Variants in BRCA2 observed in about 807,000 individuals in gnomAD.
The protein encoded by BRCA2 is breast cancer type 2 susceptibility protein.
BRCA2 carries 203 observed loss-of-function variants against 276.7 expected under a neutral mutation model. The ratio of observed to expected loss-of-function variants is 0.73; its 90% confidence interval spans 0.65 to 0.82. BRCA2 has a LOEUF of 0.82. Ranked by LOEUF, BRCA2 falls within the 40% of genes least tolerant of loss-of-function variation. The pLI is 0.00. For synonymous variants in BRCA2, 1,289 were observed against 1,338.4 expected, an observed-to-expected ratio of 0.96 and a Z score of 0.81; for missense variants, 3,920 against 3,915.0, an observed-to-expected ratio of 1.00 and a Z score of -0.03.
intron 26 of BRCA2, 105 bp from the exon 27 acceptor site, chr13:32,398,053 CTGTG>C (rs1473275600): frequency 1.7e-6 from 2 of 1,167,640 alleles, no homozygotes; most frequent in Non-Finnish European, 2.4e-6. Context: ...GGGAGGGAGA[CTGTG>C]TGTAATATTT....
At chr13:32,351,532 A>G (rs984517064) in intron 13 of BRCA2, among the ~76,000 whole-genome samples, 5 of 152,226 alleles carry the variant, frequency 3.3e-5, no homozygotes, top group African/African-American at 1.2e-4. Flanking sequence ...TTCCGGACAC[A>G]GTAGAATTAA....
At chr13:32,326,043 A>G in intron 4 of BRCA2, 58 bp from the exon 5 acceptor site, 1 of 1,426,078 alleles carries the variant, frequency 7.0e-7, no homozygotes, top group Non-Finnish European at 9.8e-7. Flanking sequence ...AAATAAGATA[A>G]ACTAGTTTTT....
chr13:32,386,522 A>G (rs568105986), intron 24 of BRCA2, among the ~76,000 whole-genome samples: 1 of 151,748 alleles, frequency 6.6e-6, no homozygotes, highest in Non-Finnish European at 1.5e-5. Flanking sequence ...ATAAAATATT[A>G]GTTGCATTCA....
At position 32,332,683 on chromosome 13, in the gene BRCA2, G is replaced by C. The variant is rs1566223012; in HGVS notation, c.1205G>C (p.Gly402Ala). The C allele has an allele frequency of 6.2e-7, 1 of 1,613,852 alleles. No individual in the cohort carries two copies. Among genetic ancestry groups the C allele is most frequent in the African/African-American group, 1.3e-5 (1 of 75,030 alleles). ...GAATGGTCTCAACTAACCCTTTCAG[G>C]TCTAAATGGAGCCCAGATGGAGAAA... ...ACEWSQLTLS[G>A]LNGAQMEKIP... is the part of the protein sequence containing the mutation. The change falls in exon 10 of 27, where the codon GGT (glycine) becomes GCT (alanine). Residue 402 changes from glycine (G) to alanine (A), a missense_variant. Coordinates refer to ENST00000380152, the MANE Select transcript of BRCA2 (RefSeq NM_000059.4).
chr13:32,395,572 G>C (rs553507556), intron 25 of BRCA2, among the ~76,000 whole-genome samples: 8 of 152,230 alleles, frequency 5.3e-5, no homozygotes, highest in African/African-American at 1.7e-4. Flanking sequence ...TAGGTCAAAT[G>C]CCAAGTTAGT....
Position 32,322,731 on chromosome 13 carries a change from T to G in BRCA2, c.317-2345T>G, listed in dbSNP as rs531566774. Among the ~76,000 whole-genome samples the G allele has an allele frequency of 8.5e-5, 13 of 152,330 alleles. No individual in the cohort carries two copies. The South Asian group carries it at 2.7e-3, about 32-fold the overall frequency. On this transcript the variant is annotated intron_variant, in intron 3 of 26. Coordinates refer to ENST00000380152, the MANE Select transcript of BRCA2 (RefSeq NM_000059.4). ...GGGGCCAGTTCCCAACAGCAATATG[T>G]GTTTAAGGTTCTTCCATGTCTTTTA...
At position 32,394,454 on chromosome 13, in the gene BRCA2, G is replaced by A. The variant is rs7327867; in HGVS notation, c.9257-235G>A. Among the ~76,000 whole-genome samples the A allele has an allele frequency of 0.53, 80,952 of 151,942 alleles. 21,657 individuals carry two copies. Among genetic ancestry groups the A allele is most frequent in the East Asian group, 0.57 (2,952 of 5,180 alleles). ...CTGTTAGCAATGTGTGCGTATACCT[G>A]CTTCCACATGACCTCAGTAAAAGAA... is the stretch of plus-strand genomic sequence containing the variant. On this transcript the variant is annotated intron_variant, in intron 24 of 26. Coordinates refer to ENST00000380152, the MANE Select transcript of BRCA2 (RefSeq NM_000059.4).
At chr13:32,368,797 TG>T (rs2072806045) in intron 18 of BRCA2, among the ~76,000 whole-genome samples, 1 of 98,814 alleles carries the variant, frequency 1.0e-5, no homozygotes, top group South Asian at 3.9e-4. Context: ...TTTGTTTTTT[TG>T]TTTTTTTTTT....
Position 32,339,156 on chromosome 13 carries a change from G to T in BRCA2, c.4801G>T (p.Asp1601Tyr), listed in dbSNP as rs748358660. ...AGAAATGCAGAATTCTCTCAATAATGATAAAAACCTTGTTTCTATTGAGAC... is the reference window on the plus strand; with the variant it reads ...AGAAATGCAGAATTCTCTCAATAATTATAAAAACCTTGTTTCTATTGAGAC... ...CKEMQNSLNN[D>Y]KNLVSIETVV... The change falls in exon 11 of 27, where the codon GAT becomes TAT. Residue 1601 changes from aspartate to tyrosine, a missense_variant. This residue lies in a region of BRCA2 where 3,263 missense variants were observed against 3,156.9 expected (regional missense o/e 1.03). Coordinates refer to ENST00000380152, the MANE Select transcript of BRCA2 (RefSeq NM_000059.4). The T allele has an allele frequency of 6.2e-7, 1 of 1,613,862 alleles. No individual in the cohort carries two copies. Among genetic ancestry groups the T allele is most frequent in the African/African-American group, 1.3e-5 (1 of 75,018 alleles).
chr13:32,346,949 GT>G, intron 13 of BRCA2, 53 bp downstream of exon 13: 1 of 1,375,534 alleles, frequency 7.3e-7, no homozygotes, highest in Non-Finnish European at 1.0e-6. Flanking sequence ...GAAAAGTCTC[GT>G]TTTTATAAAT....
At chr13:32,323,481 T>C (rs1221305297) in intron 3 of BRCA2, among the ~76,000 whole-genome samples, 1 of 152,198 alleles carries the variant, frequency 6.6e-6, no homozygotes, top group South Asian at 2.1e-4. Flanking sequence ...CAATTTTCTT[T>C]CAAGAATTAG....
chr13:32,382,825 C>T (rs1254599997), intron 24 of BRCA2, among the ~76,000 whole-genome samples: 2 of 152,150 alleles, frequency 1.3e-5, no homozygotes, highest in Non-Finnish European at 2.9e-5. Context: ...GGAAGCAAAA[C>T]AGGAACAGCT....
intron 24 of BRCA2, among the ~76,000 whole-genome samples, chr13:32,393,488 C>A (rs927198229): frequency 6.6e-6 from 1 of 151,742 alleles, no homozygotes; most frequent in African/African-American, 2.4e-5. Flanking sequence ...TTAGCTTTGA[C>A]CATTAGGAGC....
intron 8 of BRCA2, among the ~76,000 whole-genome samples, chr13:32,330,485 T>C (rs1163372046): frequency 6.6e-6 from 1 of 152,306 alleles, no homozygotes; most frequent in South Asian, 2.1e-4. Context: ...TTTGGGGCCA[T>C]TGTTAAGTAA....
Position 32,338,187 on chromosome 13 carries a change from CATAATG to C in BRCA2, c.3837_3842del (p.Asn1279_Asp1280del), listed in dbSNP as rs2137500422. The C allele has an allele frequency of 6.4e-7, 1 of 1,563,704 alleles. No homozygotes were observed. The highest frequency in any genetic ancestry group is 8.7e-7 in the Non-Finnish European group (1 of 1,154,124). On this transcript the variant is annotated inframe_deletion, in exon 11 of 27. Transcript: ENST00000380152. Reference sequence around the variant, plus strand: ...TGTTTCAATGTTTAAGATAGAAAATCATAATGATAAAACTGTAAGTGAAAAAAATAA... The same window carrying C: ...TGTTTCAATGTTTAAGATAGAAAATCATAAAACTGTAAGTGAAAAAAATAA...
intron 24 of BRCA2, among the ~76,000 whole-genome samples, chr13:32,390,570 C>T (rs1020166479): frequency 3.9e-5 from 6 of 152,132 alleles, no homozygotes; most frequent in African/African-American, 1.4e-4. Flanking sequence ...CTTTTGTTCT[C>T]CCCCTCTTGA....
In BRCA2 at chr13:32,400,204, TATC is replaced by T. The variant is rs1393466817; in HGVS notation, c.*1437_*1439del. 6.6e-6 allele frequency: 1 copy of T among 152,236 alleles called. No homozygotes were observed. Among genetic ancestry groups the T allele is most frequent in the Non-Finnish European group, 1.5e-5 (1 of 68,036 alleles). The allele number at this position is 152,236 out of a possible 1,614,324, so 9.4% of individuals were successfully genotyped here. A position where few individuals can be genotyped will look rare whatever the true frequency, so the allele number is the denominator to read the frequency against. ...TTTAATGCCTTAAATGTCTGTATAA[TATC>T]ATGTTTTCAAATCTAATTATAAATA... is the stretch of plus-strand genomic sequence containing the variant. On this transcript the variant is annotated 3_prime_UTR_variant, in exon 27 of 27. Transcript: ENST00000380152.
At chr13:32,378,484 C>T (rs2072889360) in intron 21 of BRCA2, among the ~76,000 whole-genome samples, 1 of 152,136 alleles carries the variant, frequency 6.6e-6, no homozygotes, top group Admixed American at 6.5e-5. Context: ...GGTTTTACAA[C>T]AAAATTGTTT....
Position 32,333,030 on chromosome 13 carries a change from G to A in BRCA2, c.1552G>A (p.Ala518Thr), listed in dbSNP as rs80358440. The A allele has an allele frequency of 6.3e-7, 1 of 1,596,208 alleles. No homozygotes were observed. The highest frequency in any genetic ancestry group is 1.4e-5 in the African/African-American group (1 of 73,650). Residue 518 changes from alanine to threonine, a missense_variant, in exon 10 of 27, where the codon GCA becomes ACA. Coordinates refer to ENST00000380152, the MANE Select transcript of BRCA2 (RefSeq NM_000059.4). ...AGAATCACCTAAAGAGACTTTCAAT[G>A]CAAGTTTTTCAGGTCATATGACTGA... is the stretch of plus-strand genomic sequence containing the variant. ...IRESPKETFN[A>T]SFSGHMTDPN...
Sources: gnomAD v4.1 joint callset for allele counts (sites outside exome capture counted in the v4.1 genomes callset) on GRCh38, gnomAD v4.1.1 for gene constraint, gnomAD v4.1.1 regional missense constraint, MANE v1.5 for transcripts, NCBI Gene and HGNC (gene_info 2026-07-23, HGNC 2026-07-21) for gene names.